The following PCBP3 variants were observed in gnomAD, a reference collection of about 807,000 sequenced individuals.
PCBP3 encodes the protein poly(rC) binding protein 3.
A neutral mutation model predicts 52.7 loss-of-function variants in PCBP3; 25 were observed. The observed-to-expected ratio is 0.47, with a 90% confidence interval of 0.35 to 0.66. The LOEUF (loss-of-function observed/expected upper bound fraction) is 0.66, where lower values mean the gene tolerates loss of function less well. Ranked by LOEUF, PCBP3 falls within the 30% of genes least tolerant of loss-of-function variation. The probability of loss-of-function intolerance (pLI) is 0.01; values close to 1 mark genes in which losing one functional copy is unlikely to be tolerated. For missense variants in PCBP3, 391 were observed against 490.3 expected (o/e 0.80, Z 1.91); for synonymous variants, 162 against 183.0 (o/e 0.89, Z 0.93).
At chr21:45,818,043 G>A (rs2093019052) in intron 4 of PCBP3, among the ~76,000 whole-genome samples, 1 of 151,988 alleles carries the variant, frequency 6.6e-6, no homozygotes, top group Admixed American at 6.6e-5. Context: ...TATTTTTTGA[G>A]ACAGAGTCTC....
chr21:45,785,034 G>C (rs1302495660), intron 4 of PCBP3, among the ~76,000 whole-genome samples: 1 of 151,406 alleles, frequency 6.6e-6, no homozygotes, highest in Admixed American at 6.6e-5. Context: ...CTGCCCGGCC[G>C]CCCATCATCT....
intron 11 of PCBP3, among the ~76,000 whole-genome samples, chr21:45,911,494 A>C (rs1351603618): frequency 6.6e-6 from 1 of 152,118 alleles, no homozygotes; most frequent in Non-Finnish European, 1.5e-5. Flanking sequence ...AGAGGTCAAA[A>C]CTCGGGAAAA....
At chr21:45,892,925 G>A (rs951606421) in intron 5 of PCBP3, among the ~76,000 whole-genome samples, 1 of 152,258 alleles carries the variant, frequency 6.6e-6, no homozygotes, top group Middle Eastern at 3.4e-3. Flanking sequence ...GGAAATCAGC[G>A]CAGGGAACTC....
At chr21:45,732,577 T>A (rs2085541101) in intron 2 of PCBP3, 1 of 152,128 alleles carries the variant, frequency 6.6e-6, no homozygotes, top group Admixed American at 6.6e-5. Flanking sequence ...TATTTATTTA[T>A]TTGTGGTTGG....
chr21:45,650,189 T>G (rs904809606), intron 1 of PCBP3, among the ~76,000 whole-genome samples: 1 of 151,270 alleles, frequency 6.6e-6, no homozygotes, highest in Non-Finnish European at 1.5e-5. Context: ...AGAAAAAAAA[T>G]TAGCCGGGCA....
intron 9 of PCBP3, 142 bp from the exon 10 acceptor site, chr21:45,909,213 G>T: frequency 1.2e-6 from 1 of 846,180 alleles, no homozygotes; most frequent in Non-Finnish European, 1.8e-6. Flanking sequence ...CCCTGGCCTG[G>T]CCTGGCCACT....
Position 45,817,145 on chromosome 21 carries a change from G to T in PCBP3, c.-125-32816G>T, listed in dbSNP as rs1411156171. 6.6e-6 allele frequency among the ~76,000 whole-genome samples: 1 copy of T among 152,148 alleles called. No individual in the cohort carries two copies. The highest frequency in any genetic ancestry group is 1.5e-5 in the Non-Finnish European group (1 of 68,024). ...TTGTTTTTGGTTTTTATTTCTGCAG[G>T]CATCTAATTTACCGAAACTTCATGT... On this transcript the variant is annotated intron_variant, in intron 4 of 17. Coordinates refer to ENST00000681687, the MANE Select transcript of PCBP3 (RefSeq NM_001384156.1). The surrounding 1 kb of genome is among the most constrained non-coding windows in gnomAD (Gnocchi z 4.3).
rs566042265 is a variant in PCBP3 at position 45,904,336 on chromosome 21, T to A, written c.339+3223T>A. Among the ~76,000 whole-genome samples the A allele has an allele frequency of 5.9e-5, 9 of 152,288 alleles. No homozygotes were observed. The South Asian group carries it at 1.9e-3, about 32-fold the overall frequency. The stretch of plus-strand genomic sequence containing the variant: ...CGGACAGTTTTCATCTTTTGGTCCT[T>A]CGGTTTTTCCAGAAGACTGTGGATG... On this transcript the variant is annotated intron_variant, in intron 9 of 17. Transcript: ENST00000681687. This position sits in a 1 kb window ranked among gnomAD's most constrained non-coding sequence, Gnocchi z 4.8.
At chr21:45,851,974 G>C (rs2094025634) in intron 5 of PCBP3, among the ~76,000 whole-genome samples, 1 of 152,252 alleles carries the variant, frequency 6.6e-6, no homozygotes, top group African/African-American at 2.4e-5. Context: ...CTAGGAAGAA[G>C]AGAGGCTGGT....
intron 1 of PCBP3, among the ~76,000 whole-genome samples, chr21:45,658,334 C>T (rs1440981668): frequency 6.6e-6 from 1 of 152,126 alleles, no homozygotes; most frequent in Non-Finnish European, 1.5e-5. Context: ...GATGGAGTCT[C>T]ACTTTGTCAC....
intron 2 of PCBP3, among the ~76,000 whole-genome samples, chr21:45,691,642 C>T (rs983082923): frequency 6.6e-6 from 1 of 151,684 alleles, no homozygotes; most frequent in Non-Finnish European, 1.5e-5. Context: ...TGGTAAATTG[C>T]AAAAACTGTA....
chr21:45,933,647 CA>C (rs1240116914), intron 15 of PCBP3, among the ~76,000 whole-genome samples: 2 of 152,168 alleles, frequency 1.3e-5, no homozygotes, highest in Admixed American at 6.5e-5. Flanking sequence ...ATATAAAGAA[CA>C]GAAACTCTAG....
chr21:45,714,167 T>C (rs2084051910), intron 2 of PCBP3, among the ~76,000 whole-genome samples: 1 of 152,218 alleles, frequency 6.6e-6, no homozygotes, highest in African/African-American at 2.4e-5. Context: ...GTCTCATCTC[T>C]TCTCTCGACT....
chr21:45,833,953 G>A (rs928778229), intron 4 of PCBP3, among the ~76,000 whole-genome samples: 1 of 152,324 alleles, frequency 6.6e-6, no homozygotes, highest in Non-Finnish European at 1.5e-5. Flanking sequence ...CCATGTTGGC[G>A]ATTGACTCAC....
intron 5 of PCBP3, among the ~76,000 whole-genome samples, chr21:45,870,555 C>T (rs1053400043): frequency 6.6e-6 from 1 of 152,330 alleles, no homozygotes; most frequent in African/African-American, 2.4e-5. Context: ...CAGCCTTGTG[C>T]GGCCAGACCC....
chr21:45,920,129 T>A (rs577889979), intron 13 of PCBP3, among the ~76,000 whole-genome samples: 1 of 152,228 alleles, frequency 6.6e-6, no homozygotes, highest in East Asian at 1.9e-4. Flanking sequence ...GGAAGGTTAG[T>A]CGATGGGGTC....
intron 2 of PCBP3, among the ~76,000 whole-genome samples, chr21:45,677,166 C>T (rs574323518): frequency 6.6e-6 from 1 of 152,132 alleles, no homozygotes; most frequent in Non-Finnish European, 1.5e-5. Flanking sequence ...TGCCAAACAA[C>T]CAGGTTATGA....
intron 5 of PCBP3, among the ~76,000 whole-genome samples, chr21:45,874,688 A>T (rs2095181458): frequency 1.3e-5 from 2 of 151,702 alleles, no homozygotes; most frequent in East Asian, 3.9e-4. Flanking sequence ...TTGTATTTTT[A>T]GTAGAGAGGG....
chr21:45,922,269 A>G (rs1426161982), intron 13 of PCBP3, among the ~76,000 whole-genome samples: 1 of 152,232 alleles, frequency 6.6e-6, no homozygotes, highest in Non-Finnish European at 1.5e-5. Context: ...AAATACCCTC[A>G]TAGGCCAGGT....
Sources: gnomAD v4.1 joint callset for allele counts (sites outside exome capture counted in the v4.1 genomes callset) on GRCh38, gnomAD v4.1.1 for gene constraint, Gnocchi (gnomAD v3.1) non-coding constraint, MANE v1.5 for transcripts, NCBI Gene and HGNC (gene_info 2026-07-23, HGNC 2026-07-21) for gene names.